The following TBC1D32 variants were observed in gnomAD, a reference collection of about 807,000 sequenced individuals.
The protein encoded by TBC1D32 is TBC1 domain family member 32, also known as protein broad-minded.
A neutral mutation model predicts 170.3 loss-of-function variants in TBC1D32; 151 were observed. The ratio of observed to expected loss-of-function variants is 0.89; its 90% CI spans 0.78 to 1.01. The LOEUF (loss-of-function observed/expected upper bound fraction) is 1.01. Among genes scored for constraint, TBC1D32 ranks in the 50% least tolerant of loss-of-function variants. The pLI is 0.00. For missense variants in TBC1D32, 1,464 were observed against 1,457.1 expected (o/e 1.00, Z -0.08); for synonymous variants, 498 against 488.0 (o/e 1.02, Z -0.27).
In TBC1D32 at chr6:121,085,363, A is replaced by ACATG. The variant is rs1415184010; in HGVS notation, c.3655-4474_3655-4473insCATG. 7.2e-3 allele frequency among the ~76,000 whole-genome samples: 814 copies of ACATG among 113,382 alleles called. 9 individuals carry two copies. Among genetic ancestry groups the ACATG allele is most frequent in the African/African-American group, 0.048 (778 of 16,094 alleles). 74.4% of individuals were successfully genotyped at this position (113,382 alleles called of 152,430 possible). On this transcript the variant is annotated intron_variant, in intron 31 of 31. Transcript: ENST00000398212. ...TATATATACATACATATATATACAT[A>ACATG]TATATATGTGTATATATATATATAT...
intron 15 of TBC1D32, among the ~76,000 whole-genome samples, chr6:121,278,738 A>G (rs1353659914): frequency 6.6e-6 from 1 of 152,150 alleles, no homozygotes; most frequent in East Asian, 1.9e-4. Flanking sequence ...GTTTATATGT[A>G]GGTTTGTCTG....
At chr6:121,178,543 G>T (rs957877017) in intron 22 of TBC1D32, among the ~76,000 whole-genome samples, 1 of 152,116 alleles carries the variant, frequency 6.6e-6, no homozygotes, top group Non-Finnish European at 1.5e-5. Context: ...AGGATTTCTG[G>T]ACTGAAAGAA....
At chr6:121,202,551 A>G (rs1174606223) in intron 22 of TBC1D32, among the ~76,000 whole-genome samples, 3 of 151,334 alleles carry the variant, frequency 2.0e-5, no homozygotes, top group Non-Finnish European at 4.4e-5. Context: ...AATACGGGTG[A>G]GCAACTGAGG....
At chr6:121,177,450 C>T (rs112149233) in intron 22 of TBC1D32, among the ~76,000 whole-genome samples, 2,663 of 152,246 alleles carry the variant, frequency 0.017, 27 homozygotes, top group South Asian at 0.042. Flanking sequence ...TGCTATGCTT[C>T]TCGTATAGTC....
At chr6:121,080,998 G>T in intron 31 of TBC1D32, 108 bp from the exon 32 acceptor site, 4 of 1,347,778 alleles carry the variant, frequency 3.0e-6, no homozygotes, top group Admixed American at 2.3e-5. Flanking sequence ...TATAGATGGG[G>T]TGGGCTGTTT....
intron 24 of TBC1D32, among the ~76,000 whole-genome samples, chr6:121,141,325 G>T (rs1293958322): frequency 2.0e-5 from 3 of 152,172 alleles, no homozygotes; most frequent in Non-Finnish European, 4.4e-5. Flanking sequence ...AGTATTCCAG[G>T]AAAAGGGAGT....
At chr6:121,226,980 G>A (rs1156265871) in intron 20 of TBC1D32, among the ~76,000 whole-genome samples, 1 of 148,058 alleles carries the variant, frequency 6.8e-6, no homozygotes, top group Non-Finnish European at 1.5e-5. Flanking sequence ...GGCTTCCCTG[G>A]GCCACATTGG....
intron 15 of TBC1D32, among the ~76,000 whole-genome samples, chr6:121,256,773 G>A (rs1329119814): frequency 6.6e-6 from 1 of 151,566 alleles, no homozygotes; most frequent in Non-Finnish European, 1.5e-5. Flanking sequence ...GGGTTCAAGC[G>A]ATTCTCCTGC....
intron 26 of TBC1D32, among the ~76,000 whole-genome samples, chr6:121,121,952 C>T (rs1359485658): frequency 6.6e-6 from 1 of 151,980 alleles, no homozygotes; most frequent in African/African-American, 2.4e-5. Flanking sequence ...CCTCTAAACT[C>T]GATTCACATG....
At position 121,080,850 on chromosome 6, in the gene TBC1D32, T is replaced by G. The variant is rs56300302; in HGVS notation, c.3695A>C (p.Glu1232Ala). ...GTTTTGTTCCAAAATTTCCATGTAT[T>G]CAAAATAATCACTCACTCGAAACCC... ...LHGFRVSDYF[E>A]YMEILEQNYR... Residue 1232 changes from glutamate (E) to alanine (A), a missense_variant, in exon 32 of 32, where the codon GAA becomes GCA. Glu to Ala is a moderately radical substitution (Grantham distance 107). Coordinates refer to ENST00000398212, the MANE Select transcript of TBC1D32 (RefSeq NM_152730.6). 26,344 of 1,613,910 alleles carry G rather than the reference T, an allele frequency of 0.016. 258 individuals carry two copies. Among genetic ancestry groups the G allele is most frequent in the Middle Eastern group, 0.028 (171 of 6,060 alleles).
chr6:121,115,449 G>C, intron 26 of TBC1D32: 1 of 406,026 alleles, frequency 2.5e-6, no homozygotes, highest in Non-Finnish European at 4.4e-6. Context: ...CCCATAAAAA[G>C]CATTGGAAAA....
intron 17 of TBC1D32, among the ~76,000 whole-genome samples, chr6:121,250,885 T>A (rs1798199059): frequency 6.6e-6 from 1 of 152,114 alleles, no homozygotes; most frequent in Non-Finnish European, 1.5e-5. Flanking sequence ...TTCAGCAAAG[T>A]CTCAGGATAC....
intron 13 of TBC1D32, among the ~76,000 whole-genome samples, chr6:121,282,477 A>G (rs1249123175): frequency 1.4e-5 from 2 of 144,894 alleles, no homozygotes; most frequent in African/African-American, 2.5e-5. Flanking sequence ...TTTACTTTGG[A>G]AACTATTCTA....
chr6:121,324,224 T>A (rs974874467), intron 1 of TBC1D32, among the ~76,000 whole-genome samples: 31 of 152,296 alleles, frequency 2.0e-4, no homozygotes, highest in African/African-American at 7.5e-4. Context: ...AATAAATAAA[T>A]GTAATACTCA....
chr6:121,208,075 A>G (rs1013900864), intron 21 of TBC1D32, among the ~76,000 whole-genome samples: 23 of 151,780 alleles, frequency 1.5e-4, no homozygotes, highest in African/African-American at 5.3e-4. Context: ...TTGGGGTTTT[A>G]GAGAGTTAAA....
chr6:121,323,428 T>C (rs1017928973), intron 1 of TBC1D32, among the ~76,000 whole-genome samples: 1 of 152,214 alleles, frequency 6.6e-6, no homozygotes, highest in Admixed American at 6.5e-5. Context: ...CTCATACCAA[T>C]ACCTCATACC....
intron 30 of TBC1D32, among the ~76,000 whole-genome samples, chr6:121,096,449 G>A (rs931815975): frequency 5.9e-5 from 9 of 151,980 alleles, no homozygotes; most frequent in Non-Finnish European, 1.2e-4. Flanking sequence ...ATTCACAATT[G>A]CTACAAAGAA....
intron 15 of TBC1D32, among the ~76,000 whole-genome samples, chr6:121,275,639 A>G (rs530918902): frequency 4.1e-4 from 62 of 152,300 alleles, no homozygotes; most frequent in Middle Eastern, 3.4e-3. Context: ...GATACCTCGT[A>G]CTTCCCATAG....
chr6:121,117,401 TATTTAAAAAGGGGCTTCAAGTC>T (rs1779792888), intron 26 of TBC1D32, among the ~76,000 whole-genome samples: 1 of 152,068 alleles, frequency 6.6e-6, no homozygotes, highest in African/African-American at 2.4e-5. Context: ...TAGGGGCATA[TATTTAAAAAGGGGCTTCAAGTC>T]AGGCTTGGTG....
Sources: allele counts gnomAD v4.1 joint callset (sites outside exome capture counted in the v4.1 genomes callset), GRCh38; gene constraint gnomAD v4.1.1; transcripts MANE v1.5; gene names NCBI Gene and HGNC (gene_info 2026-07-23, HGNC 2026-07-21).